Variants in MNAT1 observed in about 807,000 individuals in gnomAD.
MNAT1 encodes the protein MNAT1 component of CDK activating kinase.
MNAT1 carries 43 observed loss-of-function variants against 42.0 expected under a neutral mutation model. That is an observed-to-expected ratio of 1.02 (90% CI 0.80 to 1.32). MNAT1 has a LOEUF of 1.32. MNAT1 is among the 40% of genes most tolerant of loss of function. MNAT1 has a pLI of 0.00. For missense variants in MNAT1, 306 were observed against 350.4 expected (o/e 0.87, Z 1.01); for synonymous variants, 118 against 120.0 (o/e 0.98, Z 0.11).
chr14:60,760,736 G>A (rs1199076718), intron 1 of MNAT1, among the ~76,000 whole-genome samples: 1 of 152,122 alleles, frequency 6.6e-6, no homozygotes, highest in Non-Finnish European at 1.5e-5. Flanking sequence ...TATTCTTTGG[G>A]CAGCTGGAAA....
chr14:60,831,696 A>G (rs1272293318), intron 6 of MNAT1, among the ~76,000 whole-genome samples: 1 of 152,202 alleles, frequency 6.6e-6, no homozygotes, highest in African/African-American at 2.4e-5. Flanking sequence ...TATACTCAGT[A>G]ATGGGATTGC....
chr14:60,881,745 G>C (rs1272278298), intron 7 of MNAT1, among the ~76,000 whole-genome samples: 1 of 151,936 alleles, frequency 6.6e-6, no homozygotes, highest in African/African-American at 2.4e-5. Context: ...AAGGTAGATG[G>C]TATATCCATT....
At chr14:60,940,631 A>G (rs2036129605) in intron 7 of MNAT1, among the ~76,000 whole-genome samples, 1 of 151,992 alleles carries the variant, frequency 6.6e-6, no homozygotes. Context: ...GTTAGCCTGG[A>G]TGGTCTCAAT....
chr14:60,764,258 A>G (rs948872637), intron 1 of MNAT1, among the ~76,000 whole-genome samples: 1 of 152,206 alleles, frequency 6.6e-6, no homozygotes, highest in Non-Finnish European at 1.5e-5. Flanking sequence ...TTGAAGCTCA[A>G]AAATAAAAGG....
intron 7 of MNAT1, among the ~76,000 whole-genome samples, chr14:60,940,154 A>T (rs1388533031): frequency 6.6e-6 from 1 of 152,094 alleles, no homozygotes; most frequent in East Asian, 1.9e-4. Flanking sequence ...TTTCCTGAAT[A>T]CAGCACACTG....
At chr14:60,952,134 T>C (rs776647950) in intron 7 of MNAT1, among the ~76,000 whole-genome samples, 2 of 152,228 alleles carry the variant, frequency 1.3e-5, no homozygotes, top group Non-Finnish European at 2.9e-5. Flanking sequence ...CTAACAGGAC[T>C]GAGACCTGTC....
At chr14:60,912,604 AT>A (rs1432992247) in intron 7 of MNAT1, among the ~76,000 whole-genome samples, 1 of 152,160 alleles carries the variant, frequency 6.6e-6, no homozygotes, top group Non-Finnish European at 1.5e-5. Flanking sequence ...TGGATATTAA[AT>A]TCTGGGTTGA....
chr14:60,759,783 A>G (rs185577107), intron 1 of MNAT1, among the ~76,000 whole-genome samples: 1 of 152,236 alleles, frequency 6.6e-6, no homozygotes, highest in Non-Finnish European at 1.5e-5. Context: ...TTAGACTTAT[A>G]AGTAAAACTG....
chr14:60,906,285 A>G (rs1214925744), intron 7 of MNAT1, among the ~76,000 whole-genome samples: 1 of 152,222 alleles, frequency 6.6e-6, no homozygotes, highest in Admixed American at 6.5e-5. Flanking sequence ...ACAGGTCTTT[A>G]TAGACCATGG....
chr14:60,813,555 C>T (rs1374969212), intron 5 of MNAT1, among the ~76,000 whole-genome samples: 1 of 152,148 alleles, frequency 6.6e-6, no homozygotes. Context: ...AGCACTGATT[C>T]CACCATATTA....
At chr14:60,856,138 T>C (rs1410538490) in intron 6 of MNAT1, among the ~76,000 whole-genome samples, 3 of 152,222 alleles carry the variant, frequency 2.0e-5, no homozygotes. Flanking sequence ...GCTAGTCTTC[T>C]TGTGCTGAAC....
At chr14:60,866,144 C>CTAT (rs968849905) in intron 6 of MNAT1, among the ~76,000 whole-genome samples, 1 of 152,004 alleles carries the variant, frequency 6.6e-6, no homozygotes, top group African/African-American at 2.4e-5. Context: ...AATTTTGAAA[C>CTAT]AGCATAGATG....
chr14:60,736,869 G>T (rs142989875), intron 1 of MNAT1, among the ~76,000 whole-genome samples: 1 of 151,986 alleles, frequency 6.6e-6, no homozygotes, highest in Admixed American at 6.6e-5. Flanking sequence ...CTATATATTG[G>T]CTATTTTATT....
intron 7 of MNAT1, among the ~76,000 whole-genome samples, chr14:60,887,448 T>C (rs955845461): frequency 2.1e-5 from 3 of 142,436 alleles, no homozygotes; most frequent in African/African-American, 7.9e-5. Flanking sequence ...GTCCATGTGT[T>C]CTCATTGTTC....
intron 1 of MNAT1, among the ~76,000 whole-genome samples, chr14:60,783,150 A>G (rs1163072065): frequency 1.3e-5 from 2 of 152,178 alleles, no homozygotes; most frequent in South Asian, 2.1e-4. Flanking sequence ...TAAGCTTTCT[A>G]ATAAGACCTG....
intron 7 of MNAT1, among the ~76,000 whole-genome samples, chr14:60,924,628 C>T (rs2035728944): frequency 4.3e-5 from 1 of 23,466 alleles, no homozygotes; most frequent in South Asian, 9.3e-4. Flanking sequence ...CAAATAACAT[C>T]ACCCTCCCTG....
At chr14:60,936,700 C>T (rs1278437830) in intron 7 of MNAT1, among the ~76,000 whole-genome samples, 3 of 152,216 alleles carry the variant, frequency 2.0e-5, no homozygotes, top group African/African-American at 7.2e-5. Context: ...GTGCATGTGC[C>T]TTTATAGCAG....
chr14:60,944,185 A>G (rs1240378246), intron 7 of MNAT1, among the ~76,000 whole-genome samples: 1 of 152,234 alleles, frequency 6.6e-6, no homozygotes, highest in Non-Finnish European at 1.5e-5. Context: ...TTAAGAAAGT[A>G]GACAGTTAAC....
chr14:60,946,799 A>G (rs992271706), intron 7 of MNAT1, among the ~76,000 whole-genome samples: 5 of 152,232 alleles, frequency 3.3e-5, no homozygotes, highest in Non-Finnish European at 5.9e-5. Context: ...TTCTAAAGCT[A>G]TATGGTAATA....
Sources: allele counts gnomAD v4.1 joint callset (sites outside exome capture counted in the v4.1 genomes callset), GRCh38; gene constraint gnomAD v4.1.1; transcripts MANE v1.5; gene names NCBI Gene and HGNC (gene_info 2026-07-23, HGNC 2026-07-21).